The following TTC28 variants were observed in gnomAD, a reference collection of about 807,000 sequenced individuals.
TTC28 encodes the protein tetratricopeptide repeat protein 28.
In TTC28, 61 loss-of-function variants were observed where a neutral mutation model predicts 198.0. The ratio of observed to expected loss-of-function variants is 0.31; its 90% CI spans 0.25 to 0.38. The LOEUF (loss-of-function observed/expected upper bound fraction) is 0.38, where lower values mean the gene tolerates loss of function less well. TTC28 is among the 10% of genes least tolerant of loss of function. TTC28 has a pLI of 1.00. For missense variants in TTC28, 2,678 were observed against 3,164.0 expected, an observed-to-expected ratio of 0.85 and a Z score of 3.69; for synonymous variants, 1,171 against 1,297.8, an observed-to-expected ratio of 0.90 and a Z score of 2.10.
At chr22:28,529,210 C>G (rs2145891121) in intron 2 of TTC28, among the ~76,000 whole-genome samples, 1 of 151,002 alleles carries the variant, frequency 6.6e-6, no homozygotes, top group African/African-American at 2.4e-5. Context: ...CACTCCCACC[C>G]TAATACTGTG....
chr22:28,652,452 C>T (rs1047107245), intron 1 of TTC28, among the ~76,000 whole-genome samples: 4 of 152,184 alleles, frequency 2.6e-5, no homozygotes, highest in African/African-American at 9.6e-5. Context: ...TTTTGCCAGA[C>T]ATCTTCAAAA....
At chr22:28,615,610 C>T (rs1384079686) in intron 2 of TTC28, among the ~76,000 whole-genome samples, 1 of 152,094 alleles carries the variant, frequency 6.6e-6, no homozygotes, top group Non-Finnish European at 1.5e-5. Flanking sequence ...GAATACTACA[C>T]AGCCATAAAA....
chr22:28,118,578 A>G (rs768228129), intron 6 of TTC28, among the ~76,000 whole-genome samples: 1 of 152,166 alleles, frequency 6.6e-6, no homozygotes, highest in Non-Finnish European at 1.5e-5. Flanking sequence ...GTACCCTCCT[A>G]TACAACTTTG....
At chr22:28,253,115 A>T (rs1930648711) in intron 5 of TTC28, among the ~76,000 whole-genome samples, 1 of 152,216 alleles carries the variant, frequency 6.6e-6, no homozygotes, top group Non-Finnish European at 1.5e-5. Context: ...TTGACTACAT[A>T]TTTCCACTTC....
chr22:28,501,750 T>G (rs2048540960), intron 2 of TTC28, among the ~76,000 whole-genome samples: 1 of 152,212 alleles, frequency 6.6e-6, no homozygotes, highest in South Asian at 2.1e-4. Flanking sequence ...AATTAAAACA[T>G]TCACATTTTC....
intron 6 of TTC28, among the ~76,000 whole-genome samples, chr22:28,137,650 C>T (rs569592649): frequency 6.6e-6 from 1 of 152,124 alleles, no homozygotes; most frequent in South Asian, 2.1e-4. Context: ...CAAGCAGAAG[C>T]TGTGTCCTTG....
chr22:28,110,567 A>T (rs908994280), intron 6 of TTC28, among the ~76,000 whole-genome samples: 1 of 152,202 alleles, frequency 6.6e-6, no homozygotes, highest in African/African-American at 2.4e-5. Context: ...TTTTATGAGT[A>T]AAATATTTCA....
At chr22:28,671,117 A>AT (rs561312370) in intron 1 of TTC28, among the ~76,000 whole-genome samples, 91 of 151,168 alleles carry the variant, frequency 6.0e-4, no homozygotes, top group African/African-American at 1.6e-3. Context: ...ATTTTTTTCT[A>AT]TTTTTTTTGT....
At chr22:28,211,922 C>T (rs1316795637) in intron 5 of TTC28, among the ~76,000 whole-genome samples, 3 of 152,100 alleles carry the variant, frequency 2.0e-5, no homozygotes, top group African/African-American at 7.2e-5. Context: ...GAAATTATAA[C>T]AAACTCTCAG....
intron 5 of TTC28, among the ~76,000 whole-genome samples, chr22:28,183,820 TA>T (rs1189969458): frequency 2.6e-5 from 4 of 152,152 alleles, no homozygotes; most frequent in Admixed American, 6.5e-5. Context: ...AAATAATAAT[TA>T]AAAAAATTAA....
At chr22:28,630,968 GAA>G (rs2051163685) in intron 1 of TTC28, among the ~76,000 whole-genome samples, 1 of 152,034 alleles carries the variant, frequency 6.6e-6, no homozygotes, top group Non-Finnish European at 1.5e-5. Context: ...AAATAATGCT[GAA>G]AAGCCAGGAA....
At chr22:28,317,340 T>C (rs2045368590) in intron 2 of TTC28, among the ~76,000 whole-genome samples, 1 of 152,218 alleles carries the variant, frequency 6.6e-6, no homozygotes, top group South Asian at 2.1e-4. Context: ...ATTCTGGATA[T>C]TTTGTTATTA....
rs958704111 is a variant in TTC28 at position 28,105,842 on chromosome 22, T to C, written c.2784-40A>G. The C allele has an allele frequency of 6.6e-6, 10 of 1,510,326 alleles. No homozygotes were observed. In the East Asian group the frequency reaches 2.5e-4, roughly 37 times the overall value. 93.6% of individuals were successfully genotyped at this position (1,510,326 alleles called of 1,614,324 possible). ...ACAGAAAAGCAATGATATTATTTCA[T>C]GCAGGTGCAGACATGCTAAAGCCCC... On this transcript the variant is annotated intron_variant, in intron 7 of 22. Transcript: ENST00000397906.
Position 27,980,676 on chromosome 22 carries a change from G to GT in TTC28, c.*1544dup. On this transcript the variant is annotated 3_prime_UTR_variant, in exon 23 of 23. Transcript: ENST00000397906. Reference sequence around the variant, plus strand: ...GCCGCCCACCTTCATGAGGAACCCTGTAGTGAGGTGGGTAGGATTTTAATT... The same window carrying GT: ...GCCGCCCACCTTCATGAGGAACCCTGTTAGTGAGGTGGGTAGGATTTTAATT... 1 of 152,196 alleles carries GT rather than the reference G, an allele frequency of 6.6e-6. No homozygotes were observed. Among genetic ancestry groups the GT allele is most frequent in the South Asian group, 2.1e-4 (1 of 4,810 alleles). 9.4% of individuals were successfully genotyped at this position (152,196 alleles called of 1,614,324 possible). A position where few individuals can be genotyped will look rare whatever the true frequency, so the allele number is the denominator to read the frequency against.
intron 1 of TTC28, among the ~76,000 whole-genome samples, chr22:28,630,129 A>G (rs1375492814): frequency 6.6e-6 from 1 of 152,114 alleles, no homozygotes; most frequent in African/African-American, 2.4e-5. Flanking sequence ...TGATCTCTGC[A>G]TGCACAAGCC....
chr22:28,304,268 G>C (rs2045090156), intron 3 of TTC28, among the ~76,000 whole-genome samples: 1 of 150,824 alleles, frequency 6.6e-6, no homozygotes, highest in Non-Finnish European at 1.5e-5. Flanking sequence ...CTGGGCGACA[G>C]AGCGAGACTC....
chr22:28,053,016 A>C (rs1302902221), intron 12 of TTC28, among the ~76,000 whole-genome samples: 1 of 152,278 alleles, frequency 6.6e-6, no homozygotes. Context: ...ATGGCACTCC[A>C]CAGCCAGCTA....
In TTC28 at chr22:28,096,588, G is replaced by A. The variant is rs965329893; in HGVS notation, c.3548-180C>T. Among the ~76,000 whole-genome samples the A allele has an allele frequency of 2.0e-5, 3 of 152,118 alleles. No homozygotes were observed. The East Asian group carries it at 5.8e-4, about 29-fold the overall frequency. On this transcript the variant is annotated intron_variant, in intron 10 of 22. Coordinates refer to ENST00000397906, the MANE Select transcript of TTC28 (RefSeq NM_001145418.2). ...CCCTGCCTCAGATGGTGGGTGCAGT[G>A]TCCTGCATGACTGATTCCACACTAC...
chr22:28,235,623 C>A (rs1929184795), intron 5 of TTC28, among the ~76,000 whole-genome samples: 1 of 152,094 alleles, frequency 6.6e-6, no homozygotes, highest in South Asian at 2.1e-4. Flanking sequence ...AACATGAAGT[C>A]CAGAACACAC....
Sources: gnomAD v4.1 joint callset for allele counts (sites outside exome capture counted in the v4.1 genomes callset) on GRCh38, gnomAD v4.1.1 for gene constraint, MANE v1.5 for transcripts, NCBI Gene and HGNC (gene_info 2026-07-23, HGNC 2026-07-21) for gene names.